CCDC192: variants seen among roughly 807,000 people sequenced by gnomAD.
CCDC192 encodes coiled-coil domain containing 192.
intron 6 of CCDC192, among the ~76,000 whole-genome samples, chr5:127,930,752 C>G (rs1421347057): frequency 6.6e-6 from 1 of 152,196 alleles, no homozygotes; most frequent in African/African-American, 2.4e-5. Context: ...CCTAGGTTAT[C>G]CTACCCTCAA....
intron 6 of CCDC192, among the ~76,000 whole-genome samples, chr5:127,918,937 G>A (rs1382193955): frequency 6.8e-6 from 1 of 146,218 alleles, no homozygotes; most frequent in East Asian, 2.2e-4. Flanking sequence ...GTGTCTCTGT[G>A]TGTATATATG....
chr5:127,918,195 T>C, intron 6 of CCDC192, among the ~76,000 whole-genome samples: 1 of 138,118 alleles, frequency 7.2e-6, no homozygotes, highest in Non-Finnish European at 1.5e-5. Context: ...CAATGCAGGG[T>C]TGCCAGACAC....
chr5:127,713,626 C>T (rs771927311), intron 2 of CCDC192, among the ~76,000 whole-genome samples: 1 of 152,054 alleles, frequency 6.6e-6, no homozygotes, highest in Non-Finnish European at 1.5e-5. Flanking sequence ...CTAAAAAAAT[C>T]TTTGCCCGAG....
intron 6 of CCDC192, among the ~76,000 whole-genome samples, chr5:127,907,765 G>A (rs1273125070): frequency 6.6e-6 from 1 of 152,142 alleles, no homozygotes; most frequent in Non-Finnish European, 1.5e-5. Context: ...CAAAAATTAA[G>A]TCATCAAAAA....
intron 5 of CCDC192, among the ~76,000 whole-genome samples, chr5:127,870,613 T>C (rs1331298739): frequency 6.6e-6 from 1 of 152,200 alleles, no homozygotes; most frequent in Admixed American, 6.5e-5. Context: ...ATGACAGGTT[T>C]CATCAATGGG....
intron 2 of CCDC192, among the ~76,000 whole-genome samples, chr5:127,733,276 C>G (rs1224844636): frequency 2.0e-5 from 3 of 152,110 alleles, no homozygotes; most frequent in Non-Finnish European, 2.9e-5. Flanking sequence ...AGAAGCTGGA[C>G]CATAGGAACA....
At chr5:127,709,106 AGAGAGAGAGAGAGAGAGGGAGAGG>A (rs1751139717) in intron 2 of CCDC192, among the ~76,000 whole-genome samples, 1 of 52,232 alleles carries the variant, frequency 1.9e-5, no homozygotes, top group Non-Finnish European at 4.3e-5. Flanking sequence ...GGAGCAGGAG[AGAGAGAGAGAGAGAGAGGGAGAGG>A]GAGAGGGAGG....
chr5:127,934,402 C>A (rs1754133459), intron 6 of CCDC192, among the ~76,000 whole-genome samples: 1 of 152,156 alleles, frequency 6.6e-6, no homozygotes, highest in African/African-American at 2.4e-5. Flanking sequence ...AGTGACCAAA[C>A]CTCTTTGCCA....
intron 5 of CCDC192, among the ~76,000 whole-genome samples, chr5:127,808,248 A>G (rs1265011281): frequency 6.6e-6 from 1 of 151,846 alleles, no homozygotes; most frequent in African/African-American, 2.4e-5. Flanking sequence ...CTCTTGCCCC[A>G]TTTTACTTCT....
At position 127,909,083 on chromosome 5, in the gene CCDC192, A is replaced by T. The variant is rs191728191; in HGVS notation, c.536-32099A>T. ...GGTCATGTGATGTGATATAAAGAAAATGCTTACCTTTTTGTTGCTAGAAGG... is the reference window on the plus strand; with the variant it reads ...GGTCATGTGATGTGATATAAAGAAATTGCTTACCTTTTTGTTGCTAGAAGG... On this transcript the variant is annotated intron_variant, in intron 6 of 6. Transcript: ENST00000514853. Among the ~76,000 whole-genome samples, 71 of 152,306 alleles carry T rather than the reference A, an allele frequency of 4.7e-4. No individual in the cohort carries two copies. The East Asian group carries it at 0.01, about 22-fold the overall frequency.
At chr5:127,804,746 C>T (rs1757690664) in intron 5 of CCDC192, among the ~76,000 whole-genome samples, 1 of 152,164 alleles carries the variant, frequency 6.6e-6, no homozygotes, top group Non-Finnish European at 1.5e-5. Context: ...GAGGACTCAT[C>T]TCATTCTGCT....
intron 6 of CCDC192, among the ~76,000 whole-genome samples, chr5:127,932,773 A>G (rs1754075682): frequency 6.6e-6 from 1 of 152,240 alleles, no homozygotes; most frequent in Non-Finnish European, 1.5e-5. Flanking sequence ...CTCTGCTTTC[A>G]TGGAGCTTTC....
At chr5:127,896,921 G>A (rs1752908063) in intron 6 of CCDC192, among the ~76,000 whole-genome samples, 1 of 152,154 alleles carries the variant, frequency 6.6e-6, no homozygotes, top group African/African-American at 2.4e-5. Flanking sequence ...AGACTCTACT[G>A]ACTTTATTCT....
chr5:127,846,855 A>C (rs1407577728), intron 5 of CCDC192, among the ~76,000 whole-genome samples: 2 of 150,254 alleles, frequency 1.3e-5, no homozygotes, highest in Non-Finnish European at 1.5e-5. Flanking sequence ...ACAGGGAAAC[A>C]TCAGTGATTC....
chr5:127,853,191 G>A (rs918586786), intron 5 of CCDC192, among the ~76,000 whole-genome samples: 1 of 152,144 alleles, frequency 6.6e-6, no homozygotes, highest in Non-Finnish European at 1.5e-5. Context: ...TAACACCAGT[G>A]GAAGTTTCAG....
chr5:127,717,301 G>T (rs761176065), intron 2 of CCDC192, among the ~76,000 whole-genome samples: 17 of 152,092 alleles, frequency 1.1e-4, no homozygotes, highest in Non-Finnish European at 1.8e-4. Context: ...TTCTGCTAAA[G>T]GTAAGTAATG....
chr5:127,937,597 G>T (rs13160751), intron 6 of CCDC192, among the ~76,000 whole-genome samples: 3 of 152,208 alleles, frequency 2.0e-5, no homozygotes, highest in Middle Eastern at 3.4e-3. Context: ...CTATAAAAAA[G>T]TTTCTTGTTT....
chr5:127,786,727 C>T (rs958858316), intron 3 of CCDC192: 8 of 719,608 alleles, frequency 1.1e-5, no homozygotes, highest in Non-Finnish European at 2.1e-5. Context: ...ATCAAATCTT[C>T]TCCATGCTTA....
At chr5:127,779,199 G>A (rs919003895) in intron 3 of CCDC192, among the ~76,000 whole-genome samples, 5 of 152,004 alleles carry the variant, frequency 3.3e-5, no homozygotes, top group African/African-American at 1.2e-4. Context: ...GGCATTTTCA[G>A]CTATAAACTT....
Sources: allele counts gnomAD v4.1 joint callset (sites outside exome capture counted in the v4.1 genomes callset), GRCh38; gene constraint gnomAD v4.1.1; transcripts MANE v1.5; gene names NCBI Gene and HGNC (gene_info 2026-07-23, HGNC 2026-07-21).